SPACA9: variants seen among roughly 807,000 people sequenced by gnomAD.
SPACA9 encodes sperm acrosome associated 9.
A neutral mutation model predicts 12.5 loss-of-function variants in SPACA9; 14 were observed. That is an observed-to-expected ratio of 1.12 (90% CI 0.74 to 1.75). The LOEUF is 1.75. SPACA9 is among the 40% of genes most tolerant of loss of function. SPACA9 has a pLI of 0.00. For synonymous variants in SPACA9, 111 were observed against 114.1 expected (o/e 0.97, Z 0.17); for missense variants, 292 against 291.9 (o/e 1.00, Z 0.00).
chr9:132,888,563 C>T lies in SPACA9; in HGVS notation c.621C>T (p.Pro207=). The T allele has an allele frequency of 2.6e-6, 4 of 1,551,062 alleles. No homozygotes were observed. Among genetic ancestry groups the T allele is most frequent in the Non-Finnish European group, 2.6e-6 (3 of 1,147,252 alleles). The change falls in exon 4 of 4, where the codon CCC becomes CCT. Residue 207 remains proline, a synonymous_variant. Coordinates refer to ENST00000356311, the MANE Select transcript of SPACA9 (RefSeq NM_001316897.2). This position sits in a 1 kb window ranked among gnomAD's most constrained non-coding sequence, Gnocchi z 5.0. Reference sequence around the variant, plus strand: ...AGCTCACAAAAGCCAGCCTCAAACCCAGGGGATGTTCAAAACCACCCTGGA... The same window carrying T: ...AGCTCACAAAAGCCAGCCTCAAACCTAGGGGATGTTCAAAACCACCCTGGA... The part of the protein sequence containing the change: ...CRQLTKASLK[P]RGCSKPPWRP...
Position 132,889,682 on chromosome 9 carries a change from T to C in SPACA9, c.*1071T>C. The C allele has an allele frequency of 9.5e-7, 1 of 1,051,090 alleles. No individual in the cohort carries two copies. The highest frequency in any genetic ancestry group is 4.4e-4 in the Middle Eastern group (1 of 2,280). 65.1% of individuals were successfully genotyped at this position (1,051,090 alleles called of 1,614,324 possible). A position where few individuals can be genotyped will look rare whatever the true frequency, so the allele number is the denominator to read the frequency against. ...CACCCGCCTCGGCCTCCCAAAGTGCTGGGATTACAGGTGTGAGCCACGGCA... is the reference window on the plus strand; with the variant it reads ...CACCCGCCTCGGCCTCCCAAAGTGCCGGGATTACAGGTGTGAGCCACGGCA... On this transcript the variant is annotated 3_prime_UTR_variant, in exon 4 of 4. Transcript: ENST00000356311.
At position 132,887,311 on chromosome 9, in the gene SPACA9, A is replaced by C. The variant is rs2131493687; in HGVS notation, c.145-58A>C. ...GGGTGCTTCTGGACATTTGCACCAT[A>C]AGCCAGCCAGGACCCGGGTTGGCAT... is the stretch of plus-strand genomic sequence containing the variant. On this transcript the variant is annotated intron_variant, in intron 2 of 3. Coordinates refer to ENST00000356311, the MANE Select transcript of SPACA9 (RefSeq NM_001316897.2). The surrounding 1 kb of genome is among the most constrained non-coding windows in gnomAD (Gnocchi z 5.4). 1 of 1,527,464 alleles carries C rather than the reference A, an allele frequency of 6.5e-7. No individual in the cohort carries two copies. The highest frequency in any genetic ancestry group is 9.0e-7 in the Non-Finnish European group (1 of 1,115,186). The allele number at this position is 1,527,464 out of a possible 1,614,324, so 94.6% of individuals were successfully genotyped here.
rs77377515 is a variant in SPACA9 at position 132,887,250 on chromosome 9, C to T, written c.145-119C>T. ...AAATGCTTAAGCGTTACTTGCGTCT[C>T]CCCCATGAGTCATGTAGGGTGGGAG... On this transcript the variant is annotated intron_variant, in intron 2 of 3. Coordinates refer to ENST00000356311, the MANE Select transcript of SPACA9 (RefSeq NM_001316897.2). This position sits in a 1 kb window ranked among gnomAD's most constrained non-coding sequence, Gnocchi z 5.4. 1.2e-6 allele frequency: 1 copy of T among 820,276 alleles called. No homozygotes were observed. 50.8% of individuals were successfully genotyped at this position (820,276 alleles called of 1,614,324 possible).
intron 1 of SPACA9, among the ~76,000 whole-genome samples, chr9:132,882,026 A>G (rs987209334): frequency 2.0e-4 from 31 of 152,136 alleles, no homozygotes; most frequent in Non-Finnish European, 3.7e-4. Context: ...TCAATAAACC[A>G]TGGACCCCCC....
Position 132,884,025 on chromosome 9 carries a change from C to G in SPACA9, c.78C>G (p.Thr26=). ...TCCAGCAGCAGCAGCTCACCTTCAC[C>G]GCCGCTCTGGAGCACTGCAGGGAGA... The part of the protein sequence containing the change: ...KLFQQQQLTF[T]AALEHCRENA... Residue 26 remains threonine, a synonymous_variant, in exon 2 of 4, where the codon ACC becomes ACG. Coordinates refer to ENST00000356311, the MANE Select transcript of SPACA9 (RefSeq NM_001316897.2). 6.2e-7 allele frequency: 1 copy of G among 1,614,168 alleles called. No individual in the cohort carries two copies. The highest frequency in any genetic ancestry group is 1.7e-5 in the Admixed American group (1 of 60,028).
intron 1 of SPACA9, among the ~76,000 whole-genome samples, chr9:132,882,101 T>G (rs1214005422): frequency 6.6e-6 from 1 of 152,212 alleles, no homozygotes; most frequent in Non-Finnish European, 1.5e-5. Context: ...GCCCCTGCCC[T>G]GCCTGCCCTG....
upstream of SPACA9, chr9:132,878,680 G>A (rs1031810946): frequency 3.9e-5 from 39 of 994,538 alleles, no homozygotes; most frequent in Admixed American, 6.1e-5. This position sits in a 1 kb window ranked among gnomAD's most constrained non-coding sequence, Gnocchi z 4.7. Flanking sequence ...AATAAATGTG[G>A]GGGAGGGTGT....
At position 132,887,296 on chromosome 9, in the gene SPACA9, G is replaced by A. The variant is rs1844593847; in HGVS notation, c.145-73G>A. Reference sequence around the variant, plus strand: ...GGGAGGGAGTAGGGTGGGTGCTTCTGGACATTTGCACCATAAGCCAGCCAG... The same window carrying A: ...GGGAGGGAGTAGGGTGGGTGCTTCTAGACATTTGCACCATAAGCCAGCCAG... On this transcript the variant is annotated intron_variant, in intron 2 of 3. Transcript: ENST00000356311. This position sits in a 1 kb window ranked among gnomAD's most constrained non-coding sequence, Gnocchi z 5.4. 11 of 1,393,918 alleles carry A rather than the reference G, an allele frequency of 7.9e-6. No individual in the cohort carries two copies. The East Asian group carries it at 2.5e-4, about 32-fold the overall frequency. The allele number at this position is 1,393,918 out of a possible 1,614,324, so 86.3% of individuals were successfully genotyped here.
Position 132,887,591 on chromosome 9 carries a change from C to T in SPACA9, c.347+20C>T. The T allele has an allele frequency of 3.1e-6, 5 of 1,603,824 alleles. No homozygotes were observed. The highest frequency in any genetic ancestry group is 4.3e-6 in the Non-Finnish European group (5 of 1,171,288). Reference sequence around the variant, plus strand: ...AGCAAAGTAAGTCCCTCTGATGCTGCTCTTGAGGCCCCGTGTGTGCCTGTG... The same window carrying T: ...AGCAAAGTAAGTCCCTCTGATGCTGTTCTTGAGGCCCCGTGTGTGCCTGTG... On this transcript the variant is annotated intron_variant, in intron 3 of 3. Coordinates refer to ENST00000356311, the MANE Select transcript of SPACA9 (RefSeq NM_001316897.2). The surrounding 1 kb of genome is among the most constrained non-coding windows in gnomAD (Gnocchi z 5.4).
chr9:132,889,417 T>C lies in SPACA9; in HGVS notation c.*806T>C. The C allele has an allele frequency of 1.9e-5, 19 of 985,410 alleles. No homozygotes were observed. Among genetic ancestry groups the C allele is most frequent in the Non-Finnish European group, 2.3e-5 (19 of 829,932 alleles). 61.0% of individuals were successfully genotyped at this position (985,410 alleles called of 1,614,324 possible). On this transcript the variant is annotated 3_prime_UTR_variant, in exon 4 of 4. Coordinates refer to ENST00000356311, the MANE Select transcript of SPACA9 (RefSeq NM_001316897.2). ...GTGGAACTCAGCGTGTTTATTTTTT[T>C]ATTTTTTGAGATGGAGTTTCACTCT...
At chr9:132,881,285 G>GA (rs1326698941) in intron 1 of SPACA9, among the ~76,000 whole-genome samples, 5 of 96,406 alleles carry the variant, frequency 5.2e-5, no homozygotes, top group African/African-American at 7.0e-5. Context: ...AAAAAAAAAA[G>GA]AAAAAAAAGA....
chr9:132,879,664 T>C (rs543967985), intron 1 of SPACA9, among the ~76,000 whole-genome samples: 17 of 152,354 alleles, frequency 1.1e-4, no homozygotes, highest in African/African-American at 4.8e-5. Flanking sequence ...TGAGGAGTGG[T>C]TGGCTGGGTA....
At position 132,888,017 on chromosome 9, in the gene SPACA9, G is replaced by A. The variant is rs1295693696; in HGVS notation, c.348-273G>A. Among the ~76,000 whole-genome samples, 3 of 152,172 alleles carry A rather than the reference G, an allele frequency of 2.0e-5. No homozygotes were observed. The highest frequency in any genetic ancestry group is 2.9e-5 in the Non-Finnish European group (2 of 68,016). ...CCAGGGTGAGAAGAGCCAGAGGGATGAGCCAGCCAGTTCCTCACCCCTAAC... is the reference window on the plus strand; with the variant it reads ...CCAGGGTGAGAAGAGCCAGAGGGATAAGCCAGCCAGTTCCTCACCCCTAAC... On this transcript the variant is annotated intron_variant, in intron 3 of 3. Transcript: ENST00000356311. This position sits in a 1 kb window ranked among gnomAD's most constrained non-coding sequence, Gnocchi z 5.0.
chr9:132,887,343 A>C lies in SPACA9; in HGVS notation c.145-26A>C. 1.9e-6 allele frequency: 3 copies of C among 1,603,946 alleles called. No homozygotes were observed. On this transcript the variant is annotated intron_variant, in intron 2 of 3. Transcript: ENST00000356311. The surrounding 1 kb of genome is among the most constrained non-coding windows in gnomAD (Gnocchi z 5.4). Reference sequence around the variant, plus strand: ...CCAGGACCCGGGTTGGCATGTCCCCAGCTCATGTGGCGGCGGCCCTTGCAG... The same window carrying C: ...CCAGGACCCGGGTTGGCATGTCCCCCGCTCATGTGGCGGCGGCCCTTGCAG...
At chr9:132,881,528 G>A (rs1396989005) in intron 1 of SPACA9, among the ~76,000 whole-genome samples, 3 of 151,988 alleles carry the variant, frequency 2.0e-5, no homozygotes, top group Non-Finnish European at 2.9e-5. Flanking sequence ...CACTTTCGGA[G>A]GCTGAGAAAG....
chr9:132,883,116 C>T (rs1259324451), intron 1 of SPACA9, among the ~76,000 whole-genome samples: 2 of 152,160 alleles, frequency 1.3e-5, no homozygotes, highest in African/African-American at 4.8e-5. Flanking sequence ...CTGTGGAGCA[C>T]CTAAATCACA....
chr9:132,881,097 T>C (rs1294873013), intron 1 of SPACA9, among the ~76,000 whole-genome samples: 1 of 151,764 alleles, frequency 6.6e-6, no homozygotes, highest in East Asian at 1.9e-4. Context: ...GTGCTGGGAT[T>C]ACAGGCGTGA....
Position 132,887,394 on chromosome 9 carries a change from G to T in SPACA9, c.170G>T (p.Cys57Phe). The change falls in exon 3 of 4, where the codon TGC becomes TTC. Residue 57 changes from cysteine to phenylalanine, a missense_variant. Cys to Phe is a radical substitution (Grantham distance 205). Coordinates refer to ENST00000356311, the MANE Select transcript of SPACA9 (RefSeq NM_001316897.2). This position sits in a 1 kb window ranked among gnomAD's most constrained non-coding sequence, Gnocchi z 5.4. ...GTGCAGAGCTACATGGAACACTACT[G>T]CAACAGCTCCACAGACCGGCGGGTT... ...GQVQSYMEHY[C>F]NSSTDRRVLL... is the part of the protein sequence containing the mutation. 6.2e-7 allele frequency: 1 copy of T among 1,613,014 alleles called. No individual in the cohort carries two copies.
At position 132,888,481 on chromosome 9, in the gene SPACA9, C is replaced by T; in HGVS notation, c.539C>T (p.Ala180Val). 4 of 1,608,272 alleles carry T rather than the reference C, an allele frequency of 2.5e-6. No individual in the cohort carries two copies. The highest frequency in any genetic ancestry group is 1.1e-5 in the South Asian group (1 of 90,326). Residue 180 changes from alanine to valine, a missense_variant, in exon 4 of 4, where the codon GCT (alanine) becomes GTT (valine). By Grantham distance (64) the Ala-to-Val change is moderately conservative. Transcript: ENST00000356311. The surrounding 1 kb of genome is among the most constrained non-coding windows in gnomAD (Gnocchi z 5.0). ...CACCAGGAGAGCACCAGGGGAGCCG[C>T]TCGTCCTGCCCAGGCCATAGGGACC... ...QAHQESTRGA[A>V]RPAQAIGTQP...
Sources: allele counts gnomAD v4.1 joint callset (sites outside exome capture counted in the v4.1 genomes callset), GRCh38; gene constraint gnomAD v4.1.1; non-coding constraint Gnocchi (gnomAD v3.1); transcripts MANE v1.5; gene names NCBI Gene and HGNC (gene_info 2026-07-23, HGNC 2026-07-21).